Variants in PCDH15 observed in about 807,000 individuals in gnomAD.
PCDH15 encodes the protein protocadherin-15.
In PCDH15, 129 loss-of-function variants were observed where a neutral mutation model predicts 178.5. The observed-to-expected ratio is 0.72, with a 90% CI of 0.63 to 0.84. PCDH15 has a LOEUF of 0.84. PCDH15 is among the 40% of genes least tolerant of loss of function. The pLI is 0.00. For synonymous variants in PCDH15, 800 were observed against 732.0 expected (o/e 1.09, Z -1.50); for missense variants, 2,230 against 2,099.9 (o/e 1.06, Z -1.21).
intron 3 of PCDH15, among the ~76,000 whole-genome samples, chr10:54,881,198 G>A (rs986571219): frequency 6.6e-5 from 10 of 151,996 alleles, no homozygotes; most frequent in Non-Finnish European, 1.5e-4. Flanking sequence ...AACATAGTTC[G>A]GCAGCTTCAT....
chr10:54,262,164 A>G (rs1361159946), intron 8 of PCDH15, among the ~76,000 whole-genome samples: 1 of 152,024 alleles, frequency 6.6e-6, no homozygotes, highest in Non-Finnish European at 1.5e-5. Context: ...CACAGTTTGA[A>G]CCCACACCGA....
At chr10:54,655,222 GAGGA>G (rs1275981005) in intron 2 of PCDH15, among the ~76,000 whole-genome samples, 2 of 139,586 alleles carry the variant, frequency 1.4e-5, no homozygotes, top group Non-Finnish European at 3.1e-5. Flanking sequence ...AAAAGGAAGG[GAGGA>G]AGGGAGGAAG....
chr10:55,305,952 C>T (rs764122225), intron 1 of PCDH15, among the ~76,000 whole-genome samples: 14 of 152,128 alleles, frequency 9.2e-5, no homozygotes, highest in Non-Finnish European at 2.1e-4. Flanking sequence ...TTGCAATAAT[C>T]CCCACACAAA....
At chr10:55,345,026 A>C (rs1844709907) in intron 2 of PCDH15, among the ~76,000 whole-genome samples, 1 of 151,976 alleles carries the variant, frequency 6.6e-6, no homozygotes, top group African/African-American at 2.4e-5. Flanking sequence ...TAGGTCAAGC[A>C]AAAAAATCTC....
chr10:54,303,852 A>C (rs901545925), intron 8 of PCDH15, among the ~76,000 whole-genome samples: 3 of 152,174 alleles, frequency 2.0e-5, no homozygotes, highest in African/African-American at 7.2e-5. Context: ...ACCCTTTTAC[A>C]TAATACTCAA....
intron 20 of PCDH15, among the ~76,000 whole-genome samples, chr10:54,014,653 A>G (rs1362946598): frequency 6.6e-6 from 1 of 152,178 alleles, no homozygotes; most frequent in Non-Finnish European, 1.5e-5. Context: ...AGGACTAAAA[A>G]CAAAAACTAC....
intron 1 of PCDH15, among the ~76,000 whole-genome samples, chr10:54,784,280 G>C (rs1950635232): frequency 6.6e-6 from 1 of 150,538 alleles, no homozygotes; most frequent in African/African-American, 2.4e-5. Flanking sequence ...TACACCTAAA[G>C]CTACTGAAAT....
intron 3 of PCDH15, among the ~76,000 whole-genome samples, chr10:54,423,012 T>C (rs1180600637): frequency 6.6e-6 from 1 of 152,168 alleles, no homozygotes; most frequent in Non-Finnish European, 1.5e-5. Flanking sequence ...TGTATAAGTA[T>C]TATGTGTTTT....
chr10:53,835,803 A>AATT (rs1472066415), intron 29 of PCDH15, among the ~76,000 whole-genome samples: 1 of 152,168 alleles, frequency 6.6e-6, no homozygotes, highest in Non-Finnish European at 1.5e-5. Flanking sequence ...ATAAGGTTAG[A>AATT]ATTATAGACA....
intron 20 of PCDH15, among the ~76,000 whole-genome samples, chr10:54,018,302 A>G (rs1489910792): frequency 2.0e-5 from 3 of 152,158 alleles, no homozygotes; most frequent in Non-Finnish European, 4.4e-5. Flanking sequence ...ATAAAAATAA[A>G]GAAAAAGGGA....
chr10:54,529,759 T>A (rs1487478647), intron 2 of PCDH15, among the ~76,000 whole-genome samples: 3 of 152,148 alleles, frequency 2.0e-5, no homozygotes, highest in Non-Finnish European at 4.4e-5. Flanking sequence ...GCCTTCCAAA[T>A]TTTCATGTTA....
chr10:54,225,293 T>C (rs2053311286), intron 9 of PCDH15, among the ~76,000 whole-genome samples: 1 of 152,176 alleles, frequency 6.6e-6, no homozygotes, highest in Non-Finnish European at 1.5e-5. Flanking sequence ...ACATGATACG[T>C]TCATATCTGT....
intron 8 of PCDH15, among the ~76,000 whole-genome samples, chr10:54,268,826 T>C (rs577877203): frequency 6.6e-6 from 1 of 151,898 alleles, no homozygotes; most frequent in East Asian, 1.9e-4. Context: ...GAAATCTTCA[T>C]TGATTTAAGA....
At chr10:54,422,489 A>G (rs1955663455) in intron 3 of PCDH15, among the ~76,000 whole-genome samples, 1 of 152,164 alleles carries the variant, frequency 6.6e-6, no homozygotes, top group Admixed American at 6.6e-5. Context: ...TAAAGGAGCA[A>G]GAAGAATGTA....
intron 2 of PCDH15, among the ~76,000 whole-genome samples, chr10:55,401,594 CTG>C (rs3074786): frequency 0.18 from 24,450 of 132,872 alleles, 2,168 homozygotes; most frequent in Admixed American, 0.25. Context: ...ATTTGCCTTA[CTG>C]TGTGTGTGTG....
chr10:53,959,935 T>C, intron 22 of PCDH15, 91 bp from the exon 23 acceptor site: 1 of 1,008,870 alleles, frequency 9.9e-7, no homozygotes, highest in Non-Finnish European at 1.5e-6. Context: ...CTTATTGGAT[T>C]GCCTGGTTCC....
At chr10:54,345,865 A>G (rs1223960128) in intron 6 of PCDH15, among the ~76,000 whole-genome samples, 3 of 151,396 alleles carry the variant, frequency 2.0e-5, no homozygotes, top group East Asian at 1.9e-4. Flanking sequence ...AAAAAAAGGA[A>G]GAAAAACAAC....
chr10:55,407,750 G>A (rs530923359), intron 2 of PCDH15, among the ~76,000 whole-genome samples: 38 of 152,204 alleles, frequency 2.5e-4, no homozygotes, highest in Admixed American at 4.6e-4. Context: ...CTTATAAGAC[G>A]CATTTCTTAG....
At chr10:55,302,242 T>G (rs1390877961) in intron 1 of PCDH15, among the ~76,000 whole-genome samples, 1 of 152,158 alleles carries the variant, frequency 6.6e-6, no homozygotes, top group East Asian at 1.9e-4. Context: ...GTTTCTTCAT[T>G]TATTTAGGTT....
Sources: gnomAD v4.1 joint callset for allele counts (sites outside exome capture counted in the v4.1 genomes callset) on GRCh38, gnomAD v4.1.1 for gene constraint, MANE v1.5 for transcripts, NCBI Gene and HGNC (gene_info 2026-07-23, HGNC 2026-07-21) for gene names.